PAK5: variants seen among roughly 807,000 people sequenced by gnomAD.
PAK5 encodes the protein p21 (RAC1) activated kinase 5.
Under a neutral mutation model 65.9 loss-of-function variants are expected in PAK5, and 16 were observed. The observed-to-expected ratio is 0.24, with a 90% CI of 0.16 to 0.37. The LOEUF is 0.37. Among genes scored for constraint, PAK5 ranks in the 10% least tolerant of loss-of-function variants. The probability of loss-of-function intolerance (pLI) is 1.00; values close to 1 mark genes in which losing one functional copy is unlikely to be tolerated. For missense variants in PAK5, 785 were observed against 903.9 expected (o/e 0.87, Z 1.69); for synonymous variants, 371 against 354.9 (o/e 1.05, Z -0.51).
At chr20:9,657,060 T>C (rs1277386104) in intron 2 of PAK5, among the ~76,000 whole-genome samples, 1 of 152,176 alleles carries the variant, frequency 6.6e-6, no homozygotes, top group Non-Finnish European at 1.5e-5. Flanking sequence ...CATGTAGTGA[T>C]TCCTGTAACC....
chr20:9,607,721 G>A (rs977840568), intron 3 of PAK5, among the ~76,000 whole-genome samples: 3 of 152,082 alleles, frequency 2.0e-5, no homozygotes, highest in Non-Finnish European at 4.4e-5. Flanking sequence ...AGCTACTCCG[G>A]AGGCTAAGGT....
At chr20:9,705,129 C>T (rs965584825) in intron 2 of PAK5, among the ~76,000 whole-genome samples, 15 of 152,082 alleles carry the variant, frequency 9.9e-5, no homozygotes, top group Non-Finnish European at 1.6e-4. Flanking sequence ...GGACAGTATC[C>T]CATGGGAATT....
intron 6 of PAK5, among the ~76,000 whole-genome samples, chr20:9,561,928 G>C (rs2045597101): frequency 6.6e-6 from 1 of 152,128 alleles, no homozygotes. Context: ...TGCCGTAAAT[G>C]CAGAATCTTA....
chr20:9,765,182 T>C (rs1295851816), intron 1 of PAK5, among the ~76,000 whole-genome samples: 1 of 152,178 alleles, frequency 6.6e-6, no homozygotes, highest in African/African-American at 2.4e-5. Context: ...TGACCTGTAG[T>C]GGAGTTTGCA....
intron 7 of PAK5, among the ~76,000 whole-genome samples, chr20:9,550,675 T>C (rs970735795): frequency 6.6e-6 from 1 of 152,098 alleles, no homozygotes; most frequent in African/African-American, 2.4e-5. Context: ...ATCTAGCCAG[T>C]AGGACTCTGT....
intron 1 of PAK5, among the ~76,000 whole-genome samples, chr20:9,808,603 T>A (rs2049260551): frequency 6.6e-6 from 1 of 152,138 alleles, no homozygotes; most frequent in Admixed American, 6.6e-5. Flanking sequence ...AACATTATGC[T>A]AAGTGAAAGA....
chr20:9,801,407 C>T (rs2049167430), intron 1 of PAK5, among the ~76,000 whole-genome samples: 1 of 151,280 alleles, frequency 6.6e-6, no homozygotes, highest in Non-Finnish European at 1.5e-5. Flanking sequence ...AATAAACTAT[C>T]TAAGAAGTTT....
chr20:9,825,584 T>C (rs1225185674), intron 1 of PAK5, among the ~76,000 whole-genome samples: 2 of 152,206 alleles, frequency 1.3e-5, no homozygotes, highest in Admixed American at 6.5e-5. Context: ...TTCAGTTTAG[T>C]TCAAATAAAA....
intron 1 of PAK5, among the ~76,000 whole-genome samples, chr20:9,758,201 T>C (rs934195053): frequency 6.6e-6 from 1 of 152,178 alleles, no homozygotes; most frequent in African/African-American, 2.4e-5. Context: ...GGAATAATAG[T>C]GTTGCTAAGT....
intron 6 of PAK5, among the ~76,000 whole-genome samples, chr20:9,558,838 A>G (rs773423709): frequency 4.3e-4 from 66 of 152,212 alleles, no homozygotes; most frequent in Non-Finnish European, 7.6e-4. Flanking sequence ...ATGGCCTCCC[A>G]TATCTCATGA....
intron 1 of PAK5, among the ~76,000 whole-genome samples, chr20:9,756,731 T>C (rs1264469946): frequency 6.6e-6 from 1 of 152,170 alleles, no homozygotes; most frequent in Non-Finnish European, 1.5e-5. Context: ...AAACAATGTA[T>C]ATAGCTCATG....
chr20:9,573,720 A>T (rs1311117876), intron 4 of PAK5, among the ~76,000 whole-genome samples: 1 of 152,162 alleles, frequency 6.6e-6, no homozygotes, highest in Non-Finnish European at 1.5e-5. Flanking sequence ...TTCTGAGGGC[A>T]GGGGGGCCGT....
At chr20:9,765,607 A>C (rs1293944849) in intron 1 of PAK5, among the ~76,000 whole-genome samples, 1 of 152,096 alleles carries the variant, frequency 6.6e-6, no homozygotes, top group East Asian at 1.9e-4. Context: ...GGGAGTATTC[A>C]CACCAAGAAA....
chr20:9,823,606 T>G (rs577701891), intron 1 of PAK5, among the ~76,000 whole-genome samples: 3 of 152,340 alleles, frequency 2.0e-5, no homozygotes, highest in African/African-American at 7.2e-5. Context: ...CCACCATGAT[T>G]GCGTGGCCTT....
chr20:9,637,628 C>G (rs2046999078), intron 3 of PAK5, among the ~76,000 whole-genome samples: 1 of 151,760 alleles, frequency 6.6e-6, no homozygotes, highest in South Asian at 2.1e-4. Context: ...GAAAAAAAAG[C>G]TAGAGTAATT....
chr20:9,546,019 C>T (rs1185863012), intron 7 of PAK5, among the ~76,000 whole-genome samples: 1 of 152,044 alleles, frequency 6.6e-6, no homozygotes, highest in Admixed American at 6.6e-5. Flanking sequence ...AATTGATGAA[C>T]CTCAATCATA....
At chr20:9,698,586 T>C (rs2047899576) in intron 2 of PAK5, among the ~76,000 whole-genome samples, 1 of 152,198 alleles carries the variant, frequency 6.6e-6, no homozygotes, top group African/African-American at 2.4e-5. Context: ...AGAATGATCA[T>C]ACCTCCCATT....
chr20:9,738,587 T>C (rs1182761301), intron 1 of PAK5, among the ~76,000 whole-genome samples: 1 of 152,148 alleles, frequency 6.6e-6, no homozygotes, highest in East Asian at 1.9e-4. Flanking sequence ...AACGATTTCA[T>C]TTATATAAAA....
At position 9,563,000 on chromosome 20, in the gene PAK5, G is replaced by T. The variant is rs1176069425; in HGVS notation, c.1507C>A (p.His503Asn). The T allele has an allele frequency of 1.2e-6, 2 of 1,612,576 alleles. No homozygotes were observed. The highest frequency in any genetic ancestry group is 2.7e-5 in the African/African-American group (2 of 74,766). Residue 503 changes from histidine to asparagine, a missense_variant, in exon 6 of 10, where the codon CAT becomes AAT. His to Asn is a moderately conservative substitution (Grantham distance 68). Around this residue, in one of 4 missense-constraint regions of PAK5, gnomAD observed 182 missense variants for 273.0 expected, o/e 0.67. Coordinates refer to ENST00000353224, the MANE Select transcript of PAK5 (RefSeq NM_177990.4). ...CTGTACATGTCAACCACATTGTCAT[G>T]GTGGTAATCCCGCATGATCACGACC... ...NEVVIMRDYH[H>N]DNVVDMYSSY... is the part of the protein sequence containing the mutation.
Sources: gnomAD v4.1 joint callset for allele counts (sites outside exome capture counted in the v4.1 genomes callset) on GRCh38, gnomAD v4.1.1 for gene constraint, gnomAD v4.1.1 regional missense constraint, MANE v1.5 for transcripts, NCBI Gene and HGNC (gene_info 2026-07-23, HGNC 2026-07-21) for gene names.